The following ATP13A4 variants were observed in gnomAD, a reference collection of about 807,000 sequenced individuals.
ATP13A4 encodes probable cation-transporting ATPase 13A4.
ATP13A4 carries 114 observed loss-of-function variants against 142.5 expected under a neutral mutation model. That is an observed-to-expected ratio of 0.80 (90% CI 0.69 to 0.93). The LOEUF (loss-of-function observed/expected upper bound fraction) is 0.93. ATP13A4 is among the 40% of genes least tolerant of loss of function. ATP13A4 has a pLI of 0.00. For missense variants in ATP13A4, 1,392 were observed against 1,454.0 expected, an observed-to-expected ratio of 0.96 and a Z score of 0.69; for synonymous variants, 488 against 514.8, an observed-to-expected ratio of 0.95 and a Z score of 0.70.
Position 193,442,485 on chromosome 3 carries a change from G to A in ATP13A4, c.2224C>T (p.Leu742Phe), listed in dbSNP as rs981596394. The A allele has an allele frequency of 1.2e-6, 2 of 1,613,936 alleles. No individual in the cohort carries two copies. The highest frequency in any genetic ancestry group is 8.5e-7 in the Non-Finnish European group (1 of 1,179,816). ...CCGGTGGTTTCATTTGCCTCAATGA[G>A]AATGACTTTCTGGCTTTCAGAAACC... ...GMVSESQKVI[L>F]IEANETTGSS... Residue 742 changes from leucine (L) to phenylalanine (F), a missense_variant, in exon 19 of 30, where the codon CTC becomes TTC. By Grantham distance (22) the Leu-to-Phe change is conservative. Transcript: ENST00000342695.
At chr3:193,490,106 T>C (rs530687692) in intron 6 of ATP13A4, among the ~76,000 whole-genome samples, 68 of 152,314 alleles carry the variant, frequency 4.5e-4, no homozygotes, top group African/African-American at 1.5e-3. Flanking sequence ...TTTGTAATGA[T>C]AAAGAAACTG....
intron 2 of ATP13A4, among the ~76,000 whole-genome samples, chr3:193,560,214 C>CTTTT (rs527631417): frequency 6.8e-6 from 1 of 146,986 alleles, no homozygotes; most frequent in Non-Finnish European, 1.5e-5. Flanking sequence ...TTGCTACTCA[C>CTTTT]TTTTTTTTTT....
chr3:193,454,543 T>G (rs1717474236), intron 16 of ATP13A4, among the ~76,000 whole-genome samples: 1 of 152,116 alleles, frequency 6.6e-6, no homozygotes, highest in Admixed American at 6.5e-5. Context: ...AATCACAAGC[T>G]CTACACCCAG....
At chr3:193,547,481 A>G (rs1723290582) in intron 1 of ATP13A4, among the ~76,000 whole-genome samples, 1 of 152,226 alleles carries the variant, frequency 6.6e-6, no homozygotes, top group African/African-American at 2.4e-5. Context: ...CTATAGATCA[A>G]TATTTGAGAA....
In ATP13A4 at chr3:193,492,934, T is replaced by C; in HGVS notation, c.516A>G (p.Arg172=). The part of the protein sequence containing the change: ...IHQKFGSGLT[R]EEQEIRRLIC... The stretch of plus-strand genomic sequence containing the variant: ...CATGGTACCTAATCTCCTGTTCTTC[T>C]CTTGTCAAGCCTGATCCAAATTTTT... The change falls in exon 5 of 30, where the codon AGA becomes AGG. Residue 172 remains arginine (R), a synonymous_variant. Coordinates refer to ENST00000342695, the MANE Select transcript of ATP13A4 (RefSeq NM_032279.4). 2 of 1,609,346 alleles carry C rather than the reference T, an allele frequency of 1.2e-6. No individual in the cohort carries two copies. The highest frequency in any genetic ancestry group is 1.7e-6 in the Non-Finnish European group (2 of 1,176,440).
At position 193,565,152 on chromosome 3, in the gene ATP13A4, C is replaced by T. The variant is rs375153397; in HGVS notation, n.291+16555G>A. 6.4e-4 allele frequency among the ~76,000 whole-genome samples: 98 copies of T among 152,230 alleles called. 1 individual carries two copies. Among genetic ancestry groups the T allele is most frequent in the African/African-American group, 2.1e-3 (89 of 41,536 alleles). ...TGAGTTTGAATCATCCTGAAACCAC[C>T]GCCCCCGACTCCAACAGTCCATGGA... On this transcript the variant is annotated intron_variant and non_coding_transcript_variant, in intron 2 of 3. Transcript: ENST00000489140.
intron 8 of ATP13A4, among the ~76,000 whole-genome samples, chr3:193,471,609 G>C (rs981671486): frequency 2.7e-4 from 41 of 151,406 alleles, no homozygotes; most frequent in African/African-American, 9.7e-4. Context: ...AATAGATAAA[G>C]AGTTCCTTTT....
At chr3:193,526,090 T>C (rs1340660953) in intron 1 of ATP13A4, among the ~76,000 whole-genome samples, 1 of 152,188 alleles carries the variant, frequency 6.6e-6, no homozygotes, top group Admixed American at 6.5e-5. Context: ...TGCTAGGCCA[T>C]ATCATTTATG....
chr3:193,591,269 G>A (rs1230171477), intron 1 of ATP13A4, among the ~76,000 whole-genome samples: 1 of 152,118 alleles, frequency 6.6e-6, no homozygotes, highest in Non-Finnish European at 1.5e-5. Context: ...TCCTGACCTC[G>A]TGATCTGCCT....
intron 25 of ATP13A4, among the ~76,000 whole-genome samples, chr3:193,431,745 CATATATATGTTTCCCATAT>C (rs552296189): frequency 0.027 from 4,120 of 150,546 alleles, 99 homozygotes; most frequent in Non-Finnish European, 0.036. Flanking sequence ...TATATACACA[CATATATATGTTTCCCATAT>C]ATATATATGT....
chr3:193,404,243 C>A, intron 29 of ATP13A4: 1 of 695,288 alleles, frequency 1.4e-6, no homozygotes, highest in Non-Finnish European at 1.8e-6. Flanking sequence ...AACCTTAAAA[C>A]AAAATAGATG....
intron 17 of ATP13A4, among the ~76,000 whole-genome samples, chr3:193,453,357 A>G (rs1717394536): frequency 6.6e-6 from 1 of 152,246 alleles, no homozygotes; most frequent in Non-Finnish European, 1.5e-5. Flanking sequence ...GTAAAATCCT[A>G]AATTTAAAAA....
chr3:193,565,347 T>C (rs1724111233), intron 2 of ATP13A4, among the ~76,000 whole-genome samples: 2 of 152,222 alleles, frequency 1.3e-5, no homozygotes, highest in African/African-American at 4.8e-5. Context: ...CATTTACTGT[T>C]AGGCAAACAA....
chr3:193,454,174 T>C lies in ATP13A4; in HGVS notation c.1954A>G (p.Thr652Ala). The change falls in exon 17 of 30, where the codon ACA (threonine) becomes GCA (alanine). Residue 652 changes from threonine (T) to alanine (A), a missense_variant. Thr to Ala is a moderately conservative substitution (Grantham distance 58). Transcript: ENST00000342695. Reference protein sequence around the residue: ...SFVSELQIYTTQGFRVIALAY... With the variant: ...SFVSELQIYTAQGFRVIALAY... ...AGTGCTATGACTCGGAAGCCCTGTGTCGTGTAAATCTGAAGTTCGCTAACA... is the reference window on the plus strand; with the variant it reads ...AGTGCTATGACTCGGAAGCCCTGTGCCGTGTAAATCTGAAGTTCGCTAACA... 4 of 1,614,156 alleles carry C rather than the reference T, an allele frequency of 2.5e-6. No individual in the cohort carries two copies. Among genetic ancestry groups the C allele is most frequent in the Non-Finnish European group, 3.4e-6 (4 of 1,179,968 alleles).
chr3:193,436,495 T>G (rs981142523), intron 23 of ATP13A4, among the ~76,000 whole-genome samples: 5 of 152,054 alleles, frequency 3.3e-5, no homozygotes, highest in African/African-American at 1.2e-4. Flanking sequence ...TCACCCAGGC[T>G]GGAGTGCAGT....
chr3:193,517,770 C>G (rs374285424), intron 1 of ATP13A4, among the ~76,000 whole-genome samples: 1 of 152,262 alleles, frequency 6.6e-6, no homozygotes, highest in South Asian at 2.1e-4. Context: ...CACGCCCGGC[C>G]TACAACCGAC....
chr3:193,454,465 CT>C (rs1230889260), intron 16 of ATP13A4, among the ~76,000 whole-genome samples: 6 of 152,080 alleles, frequency 3.9e-5, no homozygotes, highest in African/African-American at 1.2e-4. Flanking sequence ...ATTCTTTTTT[CT>C]TCAATTTAAC....
In ATP13A4 at chr3:193,457,408, C is replaced by T. The variant is rs766763624; in HGVS notation, c.1732G>A (p.Val578Ile). 1.9e-6 allele frequency: 3 copies of T among 1,614,222 alleles called. No homozygotes were observed. Among genetic ancestry groups the T allele is most frequent in the Non-Finnish European group, 1.7e-6 (2 of 1,180,038 alleles). ...HIKGVPAHAM[V>I]VKPCRTASQV... ...CTGGCTGTTCTGCAGGGCTTAACTACCATGGCATGTGCCGGCACTCCCTTG... is the reference window on the plus strand; with the variant it reads ...CTGGCTGTTCTGCAGGGCTTAACTATCATGGCATGTGCCGGCACTCCCTTG... Residue 578 changes from valine to isoleucine, a missense_variant, in exon 15 of 30, where the codon GTA (valine) becomes ATA (isoleucine). By Grantham distance (29) the Val-to-Ile change is conservative. Coordinates refer to ENST00000342695, the MANE Select transcript of ATP13A4 (RefSeq NM_032279.4).
chr3:193,412,646 C>A (rs555337667), intron 26 of ATP13A4, among the ~76,000 whole-genome samples: 1 of 151,384 alleles, frequency 6.6e-6, no homozygotes, highest in Admixed American at 6.6e-5. Flanking sequence ...AGAGATTCAG[C>A]CAATTATGTA....
Sources: allele counts gnomAD v4.1 joint callset (sites outside exome capture counted in the v4.1 genomes callset), GRCh38; gene constraint gnomAD v4.1.1; transcripts MANE v1.5; gene names NCBI Gene and HGNC (gene_info 2026-07-23, HGNC 2026-07-21).